Variants in SMURF1 observed in about 807,000 individuals in gnomAD.
SMURF1 encodes the protein SMAD specific E3 ubiquitin protein ligase 1.
Under a neutral mutation model 98.0 loss-of-function variants are expected in SMURF1, and 44 were observed. That is an observed-to-expected ratio of 0.45 (90% CI 0.35 to 0.58). The LOEUF (loss-of-function observed/expected upper bound fraction) is 0.58, where lower values mean the gene tolerates loss of function less well. SMURF1 is among the 20% of genes least tolerant of loss of function. SMURF1 has a pLI of 0.00. For missense variants in SMURF1, 687 were observed against 938.4 expected, an observed-to-expected ratio of 0.73 and a Z score of 3.50; for synonymous variants, 396 against 374.9, an observed-to-expected ratio of 1.06 and a Z score of -0.65.
chr7:99,119,719 T>C (rs1414741022), intron 1 of SMURF1, among the ~76,000 whole-genome samples: 1 of 152,154 alleles, frequency 6.6e-6, no homozygotes, highest in Non-Finnish European at 1.5e-5. Context: ...ATCTCCCCAG[T>C]TGGGGGCCTT....
chr7:99,087,838 A>G (rs867321481), intron 1 of SMURF1, among the ~76,000 whole-genome samples: 4 of 152,240 alleles, frequency 2.6e-5, no homozygotes, highest in Middle Eastern at 3.4e-3. Flanking sequence ...TCTTTTCTCT[A>G]ATTCCTTTTA....
At chr7:99,045,905 A>G (rs747952365) in intron 10 of SMURF1, 104 bp from the exon 11 acceptor site, 2 of 818,586 alleles carry the variant, frequency 2.4e-6, no homozygotes, top group Non-Finnish European at 4.1e-6. Context: ...ATCCATTCCA[A>G]TTCAAGTTTT....
chr7:99,067,891 T>C (rs910254717), intron 1 of SMURF1, among the ~76,000 whole-genome samples: 2 of 151,824 alleles, frequency 1.3e-5, no homozygotes, highest in African/African-American at 2.4e-5. Context: ...GAGGTGGAGG[T>C]TGCAGTGAGC....
chr7:99,030,693 G>A lies in SMURF1; in HGVS notation c.2097-10C>T. 6.2e-7 allele frequency: 1 copy of A among 1,611,982 alleles called. No individual in the cohort carries two copies. The highest frequency in any genetic ancestry group is 8.5e-7 in the Non-Finnish European group (1 of 1,178,670). On this transcript the variant is annotated splice_polypyrimidine_tract_variant and intron_variant, in intron 17 of 17. Transcript: ENST00000361368. ...GTCGATCCGGTTAAAGCTGAAAAAG[G>A]ACAAAAGAGAGTCACCGTGTGGGCA...
At chr7:99,120,057 G>A (rs1313672836) in intron 1 of SMURF1, among the ~76,000 whole-genome samples, 1 of 152,146 alleles carries the variant, frequency 6.6e-6, no homozygotes, top group Admixed American at 6.5e-5. Flanking sequence ...CCATCCCCAT[G>A]GTAATGAGTC....
Position 99,048,088 on chromosome 7 carries a change from C to CAT in SMURF1, c.954-208_954-207dup, listed in dbSNP as rs756852866. 3.5e-4 allele frequency: 196 copies of CAT among 566,660 alleles called. 1 individual carries two copies. Among genetic ancestry groups the CAT allele is most frequent in the Non-Finnish European group, 3.7e-4 (118 of 316,894 alleles). The allele number at this position is 566,660 out of a possible 1,614,324, so 35.1% of individuals were successfully genotyped here. ...TAGCCTAAATGTATGTCTACAGTAC[C>CAT]ATAAAGGAGGTACCCCAGGCCGGGC... On this transcript the variant is annotated intron_variant, in intron 9 of 17. Coordinates refer to ENST00000361368, the MANE Select transcript of SMURF1 (RefSeq NM_181349.3).
chr7:99,052,536 C>A, intron 6 of SMURF1, 90 bp from the exon 7 acceptor site: 1 of 1,300,270 alleles, frequency 7.7e-7, no homozygotes, highest in South Asian at 2.5e-5. Flanking sequence ...GGGACACCGT[C>A]ACATAAATTG....
intron 1 of SMURF1, among the ~76,000 whole-genome samples, chr7:99,081,875 ACTC>A (rs1796584020): frequency 6.6e-6 from 1 of 152,018 alleles, no homozygotes; most frequent in African/African-American, 2.4e-5. Flanking sequence ...CTGGTCTCGA[ACTC>A]CTAACCTCAG....
intron 17 of SMURF1, among the ~76,000 whole-genome samples, chr7:99,032,487 G>T (rs1480441537): frequency 6.6e-6 from 1 of 152,222 alleles, no homozygotes. Context: ...TGGCCAACAT[G>T]GCAAAACCCC....
intron 6 of SMURF1, among the ~76,000 whole-genome samples, chr7:99,054,128 A>G (rs1258792902): frequency 6.6e-6 from 1 of 151,540 alleles, no homozygotes; most frequent in Non-Finnish European, 1.5e-5. Context: ...TGGTAGAGAC[A>G]AAGTCTCGCT....
At chr7:99,138,898 C>G (rs1183566196) in intron 1 of SMURF1, among the ~76,000 whole-genome samples, 1 of 152,180 alleles carries the variant, frequency 6.6e-6, no homozygotes, top group Non-Finnish European at 1.5e-5. Flanking sequence ...CTACACCTTC[C>G]AATAATTCAT....
chr7:99,108,611 C>CAAAAAAAAAA (rs11458541), intron 1 of SMURF1, among the ~76,000 whole-genome samples: 13 of 58,512 alleles, frequency 2.2e-4, no homozygotes, highest in African/African-American at 3.1e-4. Context: ...AACTCTGTCT[C>CAAAAAAAAAA]AAAAAAAAAA....
intron 1 of SMURF1, among the ~76,000 whole-genome samples, chr7:99,092,995 G>A (rs1003551128): frequency 1.3e-5 from 2 of 152,120 alleles, no homozygotes; most frequent in Non-Finnish European, 2.9e-5. Flanking sequence ...CGCTGTCAGA[G>A]CTGGTACTCG....
At chr7:99,032,698 A>G (rs546671430) in intron 17 of SMURF1, among the ~76,000 whole-genome samples, 42 of 152,296 alleles carry the variant, frequency 2.8e-4, no homozygotes, top group African/African-American at 7.9e-4. Flanking sequence ...GAGAAAATCT[A>G]TATTTAAATT....
intron 8 of SMURF1, chr7:99,051,039 G>T: frequency 1.4e-6 from 2 of 1,472,540 alleles, no homozygotes; most frequent in Non-Finnish European, 1.8e-6. Flanking sequence ...GGGTAACAGA[G>T]TCTTTATATT....
At chr7:99,073,585 T>G (rs1226695628) in intron 1 of SMURF1, among the ~76,000 whole-genome samples, 1 of 151,662 alleles carries the variant, frequency 6.6e-6, no homozygotes, top group Non-Finnish European at 1.5e-5. Flanking sequence ...GCCAACATGG[T>G]GAAACCCCGT....
Position 99,052,425 on chromosome 7 carries a change from C to T in SMURF1, c.501G>A (p.Gly167=), listed in dbSNP as rs1318955493. Residue 167 remains glycine (G), a synonymous_variant, in exon 7 of 18, where the codon GGG becomes GGA. Coordinates refer to ENST00000361368, the MANE Select transcript of SMURF1 (RefSeq NM_181349.3). ...ENEGTVYEDS[G]PGRPLSCFME... Reference sequence around the variant, plus strand: ...TGAAGCAGCTGAGCGGCCTCCCAGGCCCGGAGTCTTCATACACCGTTCTGA... The same window carrying T: ...TGAAGCAGCTGAGCGGCCTCCCAGGTCCGGAGTCTTCATACACCGTTCTGA... 1.3e-6 allele frequency: 2 copies of T among 1,585,240 alleles called. No homozygotes were observed. Among genetic ancestry groups the T allele is most frequent in the Admixed American group, 1.8e-5 (1 of 57,098 alleles).
chr7:99,127,067 C>A (rs1398193699), intron 1 of SMURF1, among the ~76,000 whole-genome samples: 4 of 152,160 alleles, frequency 2.6e-5, no homozygotes, highest in African/African-American at 9.7e-5. Flanking sequence ...TGTGGCAGAG[C>A]TGGAGGTTCC....
At chr7:99,119,640 C>T (rs1211745669) in intron 1 of SMURF1, among the ~76,000 whole-genome samples, 1 of 152,180 alleles carries the variant, frequency 6.6e-6, no homozygotes, top group Non-Finnish European at 1.5e-5. Context: ...CAATGATAAG[C>T]TCCAATCCTC....
Sources: allele counts gnomAD v4.1 joint callset (sites outside exome capture counted in the v4.1 genomes callset), GRCh38; gene constraint gnomAD v4.1.1; transcripts MANE v1.5; gene names NCBI Gene and HGNC (gene_info 2026-07-23, HGNC 2026-07-21).